Variants in DDX11 observed in about 807,000 individuals in gnomAD.
The protein encoded by DDX11 is ATP-dependent DNA helicase DDX11.
In DDX11, 72 loss-of-function variants were observed where a neutral mutation model predicts 125.2. That is an observed-to-expected ratio of 0.58 (90% CI 0.48 to 0.70). The LOEUF (loss-of-function observed/expected upper bound fraction) is 0.70, where lower values mean the gene tolerates loss of function less well. Ranked by LOEUF, DDX11 falls within the 30% of genes least tolerant of loss-of-function variation. The pLI, the probability that DDX11 is intolerant of heterozygous loss-of-function variation, is 0.00. For synonymous variants in DDX11, 347 were observed against 452.6 expected (o/e 0.77, Z 2.96); for missense variants, 883 against 1,165.0 (o/e 0.76, Z 3.52).
rs376560044 is a variant in DDX11 at position 31,095,731 on chromosome 12, G to T, written c.1483-610G>T. 1.6e-3 allele frequency among the ~76,000 whole-genome samples: 238 copies of T among 152,280 alleles called. 2 individuals are homozygous for T. The highest frequency in any genetic ancestry group is 5.5e-3 in the African/African-American group (229 of 41,560). On this transcript the variant is annotated intron_variant, in intron 14 of 26. Coordinates refer to ENST00000542838, the MANE Select transcript of DDX11 (RefSeq NM_030653.4). The stretch of plus-strand genomic sequence containing the variant: ...CGCTTCTCCCACAGCTGGGACATGG[G>T]TGCAGGCACTCCTTCTCTCGCCTTC...
At chr12:31,077,740 A>T (rs1366851162) in intron 1 of DDX11, among the ~76,000 whole-genome samples, 1 of 151,072 alleles carries the variant, frequency 6.6e-6, no homozygotes, top group Non-Finnish European at 1.5e-5. Flanking sequence ...GCTACTCGGG[A>T]GGCTGAGGCA....
At chr12:31,089,294 C>A in intron 7 of DDX11, 109 bp from the exon 8 acceptor site, 1 of 1,417,854 alleles carries the variant, frequency 7.1e-7, no homozygotes, top group East Asian at 2.3e-5. Context: ...ACCTGGCCGG[C>A]CCAGCACTGG....
chr12:31,089,779 G>A, intron 8 of DDX11, 107 bp from the exon 9 acceptor site: 1 of 1,545,288 alleles, frequency 6.5e-7, no homozygotes, highest in African/African-American at 1.4e-5. Context: ...GGGTCTTATA[G>A]ACCCTACCCC....
At chr12:31,092,750 G>A in intron 10 of DDX11, 96 bp from the exon 11 acceptor site, 1 of 1,341,826 alleles carries the variant, frequency 7.5e-7, no homozygotes, top group South Asian at 1.2e-5. Flanking sequence ...GTGGCTTCCT[G>A]TGTGTCCAGG....
chr12:31,103,253 G>T lies in DDX11; in HGVS notation c.2458-64G>T. 2.5e-6 allele frequency: 4 copies of T among 1,577,442 alleles called. No individual in the cohort carries two copies. In the Admixed American group the frequency reaches 7.3e-5, roughly 29 times the overall value. ...TGGTCTGGCTCCAAAGCCTGGCAGGGTCTTTTCCCAGGGGGAGCTGCAGGC... is the reference window on the plus strand; with the variant it reads ...TGGTCTGGCTCCAAAGCCTGGCAGGTTCTTTTCCCAGGGGGAGCTGCAGGC... On this transcript the variant is annotated intron_variant, in intron 24 of 26. Coordinates refer to ENST00000542838, the MANE Select transcript of DDX11 (RefSeq NM_030653.4).
rs1946743936 is a variant in DDX11 at position 31,103,381 on chromosome 12, T to G, written c.2522T>G (p.Val841Gly). The change falls in exon 25 of 27, where the codon GTC becomes GGC. Residue 841 changes from valine to glycine, a missense_variant. Physicochemically the swap from Val to Gly is moderately radical, Grantham distance 109. Transcript: ENST00000542838. ...ALVENLCMKA[V>G]NQSIGRAIRH... ...GTGGAGAACCTGTGCATGAAGGCCG[T>G]CAACCAGTCCATAGGTGAGCCTGGC... 6.2e-7 allele frequency: 1 copy of G among 1,609,752 alleles called. No individual in the cohort carries two copies. Among genetic ancestry groups the G allele is most frequent in the African/African-American group, 1.3e-5 (1 of 74,794 alleles).
chr12:31,089,200 C>T, intron 7 of DDX11, 49 bp downstream of exon 7: 2 of 1,546,650 alleles, frequency 1.3e-6, no homozygotes, highest in Non-Finnish European at 1.8e-6. Context: ...CTCCTTTCGC[C>T]ACAACTTTGT....
At chr12:31,096,531 A>G (rs1945271913) in intron 15 of DDX11, 106 bp from the exon 16 acceptor site, 27 of 1,587,922 alleles carry the variant, frequency 1.7e-5, no homozygotes, top group Non-Finnish European at 2.3e-5. Context: ...GGGTGGTGGG[A>G]TGTGTGCTGC....
intron 1 of DDX11, among the ~76,000 whole-genome samples, chr12:31,075,358 C>T (rs1331472643): frequency 5.3e-5 from 8 of 152,184 alleles, no homozygotes; most frequent in Non-Finnish European, 2.9e-5. Flanking sequence ...CCAAGTCTGT[C>T]TTTTTTATCC....
chr12:31,087,199 C>T (rs2911830), intron 5 of DDX11, among the ~76,000 whole-genome samples: 1 of 135,432 alleles, frequency 7.4e-6, no homozygotes, highest in South Asian at 2.6e-4. Context: ...GGCACTGACA[C>T]AAGAAGAGTT....
In DDX11 at chr12:31,096,920, G is replaced by T; in HGVS notation, c.1692G>T (p.Met564Ile). The stretch of plus-strand genomic sequence containing the variant: ...CCCTGCGACCAGCTTCTCCACTGAT[G>T]CACATCCAAGGCTTCCTGGCAGCTC... ...ASTLRPASPL[M>I]HIQGFLAALT... The change falls in exon 17 of 27, where the codon ATG (methionine) becomes ATT (isoleucine). Residue 564 changes from methionine (M) to isoleucine (I), a missense_variant. This residue lies in a region of DDX11 where 241 missense variants were observed against 279.7 expected (regional missense o/e 0.86). Coordinates refer to ENST00000542838, the MANE Select transcript of DDX11 (RefSeq NM_030653.4). The T allele has an allele frequency of 1.2e-6, 2 of 1,614,164 alleles. No individual in the cohort carries two copies. The highest frequency in any genetic ancestry group is 1.1e-5 in the South Asian group (1 of 91,066).
chr12:31,095,787 C>G (rs541810419), intron 14 of DDX11, among the ~76,000 whole-genome samples: 1 of 152,322 alleles, frequency 6.6e-6, no homozygotes, highest in East Asian at 1.9e-4. Context: ...CTTCTCCCCT[C>G]TTCTTCCCAT....
intron 6 of DDX11, among the ~76,000 whole-genome samples, chr12:31,088,622 G>C (rs1477347821): frequency 1.3e-5 from 2 of 152,182 alleles, no homozygotes; most frequent in African/African-American, 4.8e-5. Context: ...CCTTAGAGGA[G>C]TAGAGAGAGG....
At chr12:31,102,838 A>AC in intron 23 of DDX11, 98 bp from the exon 24 acceptor site, 1 of 991,986 alleles carries the variant, frequency 1.0e-6, no homozygotes, top group Non-Finnish European at 1.6e-6. Context: ...ACAGTCGGAG[A>AC]GGCTGAGGGA....
intron 12 of DDX11, 174 bp from the exon 13 acceptor site, chr12:31,094,416 C>T (rs1944848189): frequency 8.4e-7 from 1 of 1,191,512 alleles, no homozygotes; most frequent in Non-Finnish European, 1.2e-6. Flanking sequence ...GCTCCTGGAC[C>T]CACCTGCCCT....
chr12:31,083,157 T>C (rs1942314261), intron 2 of DDX11, among the ~76,000 whole-genome samples: 2 of 152,062 alleles, frequency 1.3e-5, no homozygotes, highest in South Asian at 2.1e-4. Context: ...TTCTCCAGTC[T>C]GTATATGGAG....
rs552652545 is a variant in DDX11, at chr12:31,093,781, C to A, written c.1369+457C>A. On this transcript the variant is annotated intron_variant, in intron 12 of 26. Coordinates refer to ENST00000542838, the MANE Select transcript of DDX11 (RefSeq NM_030653.4). ...GTCATTGATTTAGAAAATTCTTGTT[C>A]TTTGTAGCTTAGTTGAGTTGTCTGA... 76 of 183,720 alleles carry A rather than the reference C, an allele frequency of 4.1e-4. No homozygotes were observed. The South Asian group carries it at 6.5e-3, about 16-fold the overall frequency. 11.4% of individuals were successfully genotyped at this position (183,720 alleles called of 1,614,324 possible).
Position 31,085,260 on chromosome 12 carries a change from G to A in DDX11, c.638+134G>A, listed in dbSNP as rs1291188857. The A allele has an allele frequency of 2.2e-5, 29 of 1,295,888 alleles. No homozygotes were observed. In the African/African-American group the frequency reaches 2.5e-4, roughly 11 times the overall value. 80.3% of individuals were successfully genotyped at this position (1,295,888 alleles called of 1,614,324 possible). A position where few individuals can be genotyped will look rare whatever the true frequency, so the allele number is the denominator to read the frequency against. ...TGGCCTCTGCCCTCTGCTCTAAGCC[G>A]GGTCCTTCCTAGGGTCCATGAGTGC... On this transcript the variant is annotated intron_variant, in intron 5 of 26. Coordinates refer to ENST00000542838, the MANE Select transcript of DDX11 (RefSeq NM_030653.4).
intron 10 of DDX11, among the ~76,000 whole-genome samples, 170 bp downstream of exon 10, chr12:31,092,041 G>A (rs1180877653): frequency 3.3e-5 from 5 of 152,236 alleles, no homozygotes; most frequent in East Asian, 1.9e-4. Context: ...CCAGTGCATC[G>A]GGGGACCCCG....
Sources: gnomAD v4.1 joint callset for allele counts (sites outside exome capture counted in the v4.1 genomes callset) on GRCh38, gnomAD v4.1.1 for gene constraint, gnomAD v4.1.1 regional missense constraint, MANE v1.5 for transcripts, NCBI Gene and HGNC (gene_info 2026-07-23, HGNC 2026-07-21) for gene names.